The following ERLIN1 variants were observed in gnomAD, a reference collection of about 807,000 sequenced individuals.
ERLIN1 encodes erlin-1.
A neutral mutation model predicts 46.9 loss-of-function variants in ERLIN1; 24 were observed. The ratio of observed to expected loss-of-function variants is 0.51; its 90% CI spans 0.37 to 0.72. The LOEUF is 0.72. ERLIN1 is among the 30% of genes least tolerant of loss of function. The pLI, the probability that ERLIN1 is intolerant of heterozygous loss-of-function variation, is 0.00. For missense variants in ERLIN1, 293 were observed against 417.9 expected (o/e 0.70, Z 2.61); for synonymous variants, 158 against 143.2 (o/e 1.10, Z -0.74).
intron 6 of ERLIN1, among the ~76,000 whole-genome samples, chr10:100,172,237 G>A (rs773342706): frequency 3.3e-5 from 5 of 152,122 alleles, no homozygotes; most frequent in African/African-American, 7.2e-5. Flanking sequence ...GACAATGTTA[G>A]TGAAAAAAGC....
At chr10:100,155,997 T>G in intron 9 of ERLIN1, 148 bp downstream of exon 9, 1 of 522,666 alleles carries the variant, frequency 1.9e-6, no homozygotes, top group East Asian at 3.0e-5. Flanking sequence ...TTAAAAAAAT[T>G]TATTTAGACT....
intron 8 of ERLIN1, among the ~76,000 whole-genome samples, chr10:100,157,603 C>A (rs1000518486): frequency 2.0e-5 from 3 of 152,184 alleles, no homozygotes; most frequent in Non-Finnish European, 2.9e-5. Context: ...GTATGCTTTA[C>A]GAACTGCTCC....
At chr10:100,159,401 A>C (rs1419915983) in intron 8 of ERLIN1, among the ~76,000 whole-genome samples, 3 of 152,178 alleles carry the variant, frequency 2.0e-5, no homozygotes, top group Non-Finnish European at 4.4e-5. Flanking sequence ...GATGTGAACA[A>C]CACAATTCAT....
Position 100,185,980 on chromosome 10 carries a change from C to T in ERLIN1, c.-354G>A, listed in dbSNP as rs938156482. 4.6e-6 allele frequency: 2 copies of T among 434,584 alleles called. No homozygotes were observed. Among genetic ancestry groups the T allele is most frequent in the Non-Finnish European group, 8.1e-6 (2 of 248,014 alleles). The allele number at this position is 434,584 out of a possible 1,614,324, so 26.9% of individuals were successfully genotyped here. A position where few individuals can be genotyped will look rare whatever the true frequency, so the allele number is the denominator to read the frequency against. On this transcript the variant is annotated 5_prime_UTR_variant, in exon 1 of 11. Transcript: ENST00000421367. ...GCCTCACCGATCAGTGACGCATCGC[C>T]CCCGCCCGCACGTGCAGCCGACTCC...
chr10:100,163,462 G>A (rs913433831), intron 8 of ERLIN1, among the ~76,000 whole-genome samples: 1 of 150,622 alleles, frequency 6.6e-6, no homozygotes, highest in Non-Finnish European at 1.5e-5. Context: ...CTCTATAATT[G>A]AATTATTTAA....
At chr10:100,184,626 T>C (rs749412726) in intron 1 of ERLIN1, among the ~76,000 whole-genome samples, 1 of 152,228 alleles carries the variant, frequency 6.6e-6, no homozygotes, top group Non-Finnish European at 1.5e-5. Flanking sequence ...CTTTGAGTCA[T>C]TCCTTGAAAT....
chr10:100,168,857 G>GT (rs931498416), intron 6 of ERLIN1, among the ~76,000 whole-genome samples: 2 of 151,802 alleles, frequency 1.3e-5, no homozygotes, highest in Non-Finnish European at 2.9e-5. Flanking sequence ...TTTTTGTATT[G>GT]TTTTTTAGTA....
intron 4 of ERLIN1, 109 bp from the exon 5 acceptor site, chr10:100,176,179 C>G (rs1297359833): frequency 4.3e-6 from 4 of 920,416 alleles, no homozygotes; most frequent in Non-Finnish European, 6.1e-6. Context: ...AGGAAAAGTG[C>G]CAACAAAATA....
At chr10:100,163,305 T>C (rs952386583) in intron 8 of ERLIN1, among the ~76,000 whole-genome samples, 35 of 151,094 alleles carry the variant, frequency 2.3e-4, no homozygotes, top group African/African-American at 8.0e-4. Flanking sequence ...GAAGTTAATC[T>C]GAGAAGAAAA....
Position 100,152,021 on chromosome 10 carries a change from G to A in ERLIN1, c.*110C>T. On this transcript the variant is annotated 3_prime_UTR_variant, in exon 11 of 11. Coordinates refer to ENST00000421367, the MANE Select transcript of ERLIN1 (RefSeq NM_006459.4). ...ACCCAGGACTATCGCAGGAGAGGTG[G>A]AACAGATGAAGTGTAAGTTCTCTGT... 1.3e-6 allele frequency: 1 copy of A among 758,258 alleles called. No individual in the cohort carries two copies. The highest frequency in any genetic ancestry group is 1.5e-5 in the South Asian group (1 of 67,880). The allele number at this position is 758,258 out of a possible 1,614,324, so 47.0% of individuals were successfully genotyped here.
intron 10 of ERLIN1, among the ~76,000 whole-genome samples, chr10:100,154,170 C>T (rs1842949162): frequency 6.6e-6 from 1 of 152,152 alleles, no homozygotes; most frequent in Non-Finnish European, 1.5e-5. Context: ...TTCTAGCTGC[C>T]TCTTAAATAG....
chr10:100,183,668 A>G (rs781202982), intron 2 of ERLIN1, 88 bp downstream of exon 2: 46 of 811,562 alleles, frequency 5.7e-5, no homozygotes, highest in Non-Finnish European at 8.8e-5. Context: ...TGCTTAAGCA[A>G]TAAGGAAATC....
intron 5 of ERLIN1, among the ~76,000 whole-genome samples, chr10:100,175,540 C>T (rs1412766455): frequency 1.3e-5 from 2 of 152,146 alleles, no homozygotes; most frequent in African/African-American, 4.8e-5. Flanking sequence ...TGTGCCTTTG[C>T]CTCTCGCTGA....
intron 4 of ERLIN1, among the ~76,000 whole-genome samples, chr10:100,176,354 T>C (rs553560100): frequency 7.9e-5 from 12 of 152,082 alleles, no homozygotes; most frequent in Non-Finnish European, 1.8e-4. Context: ...TTGGAGGTAA[T>C]AAGGAACTAT....
chr10:100,179,317 A>C (rs963932254), intron 2 of ERLIN1, 70 bp from the exon 3 acceptor site: 4 of 1,059,756 alleles, frequency 3.8e-6, no homozygotes, highest in Non-Finnish European at 5.7e-6. Context: ...TACCAGAGGC[A>C]AATCTCTGGA....
chr10:100,165,525 T>C (rs1193803650), intron 7 of ERLIN1, among the ~76,000 whole-genome samples: 2 of 151,776 alleles, frequency 1.3e-5, no homozygotes, highest in African/African-American at 2.4e-5. Context: ...TAGCTGGGAC[T>C]ACAGGCGCCC....
chr10:100,161,054 G>C (rs890328843), intron 8 of ERLIN1, among the ~76,000 whole-genome samples: 3 of 152,174 alleles, frequency 2.0e-5, no homozygotes, highest in African/African-American at 7.2e-5. Flanking sequence ...ATGTCACTGG[G>C]ACTATTTAAA....
intron 2 of ERLIN1, among the ~76,000 whole-genome samples, chr10:100,183,025 G>C (rs1401345659): frequency 3.3e-5 from 5 of 152,280 alleles, no homozygotes; most frequent in East Asian, 3.9e-4. Flanking sequence ...AGGAAGCCTA[G>C]ACATAAGATT....
At chr10:100,175,680 T>C (rs1456783751) in intron 5 of ERLIN1, among the ~76,000 whole-genome samples, 3 of 152,204 alleles carry the variant, frequency 2.0e-5, no homozygotes, top group African/African-American at 4.8e-5. Context: ...TTTTTCAAAT[T>C]ATCTATTAAA....
Sources: gnomAD v4.1 joint callset for allele counts (sites outside exome capture counted in the v4.1 genomes callset) on GRCh38, gnomAD v4.1.1 for gene constraint, MANE v1.5 for transcripts, NCBI Gene and HGNC (gene_info 2026-07-23, HGNC 2026-07-21) for gene names.